KCNK9: variants seen among roughly 807,000 people sequenced by gnomAD.
KCNK9 encodes potassium two pore domain channel subfamily K member 9.
KCNK9 carries 1 observed loss-of-function variant against 10.8 expected under a neutral mutation model. That is an observed-to-expected ratio of 0.09 (90% CI 0.03 to 0.44). The LOEUF (loss-of-function observed/expected upper bound fraction) is 0.44, where lower values mean the gene tolerates loss of function less well. KCNK9 is among the 20% of genes least tolerant of loss of function. KCNK9 has a pLI of 0.97. For synonymous variants in KCNK9, 231 were observed against 222.7 expected (o/e 1.04, Z -0.33); for missense variants, 303 against 515.0 (o/e 0.59, Z 3.98).
chr8:139,681,314 C>T (rs564914983), intron 1 of KCNK9, among the ~76,000 whole-genome samples: 2 of 152,334 alleles, frequency 1.3e-5, no homozygotes, highest in African/African-American at 2.4e-5. Flanking sequence ...CACCGCCCAC[C>T]GAAGTTCACC....
At chr8:139,645,081 T>C (rs1391644005) in intron 1 of KCNK9, among the ~76,000 whole-genome samples, 2 of 152,156 alleles carry the variant, frequency 1.3e-5, no homozygotes, top group Non-Finnish European at 2.9e-5. Context: ...TAGGCTTTTG[T>C]TGTCCCAGAA....
chr8:139,635,029 A>G (rs1050350989), intron 1 of KCNK9, among the ~76,000 whole-genome samples: 1 of 152,208 alleles, frequency 6.6e-6, no homozygotes, highest in Non-Finnish European at 1.5e-5. Flanking sequence ...CCCCTGCTGC[A>G]TGAGGACCCC....
At chr8:139,686,070 C>G (rs1156831930) in intron 1 of KCNK9, among the ~76,000 whole-genome samples, 1 of 152,164 alleles carries the variant, frequency 6.6e-6, no homozygotes, top group Non-Finnish European at 1.5e-5. Flanking sequence ...ATGTAGAAAG[C>G]TGAAACTGGA....
intron 1 of KCNK9, among the ~76,000 whole-genome samples, chr8:139,660,316 T>C (rs569442336): frequency 1.3e-5 from 2 of 151,872 alleles, no homozygotes; most frequent in African/African-American, 2.4e-5. Flanking sequence ...GCATTAAAAA[T>C]AGGATAGGCC....
chr8:139,645,570 ACCCTGAGCC>A (rs1815650915), intron 1 of KCNK9, among the ~76,000 whole-genome samples: 1 of 151,518 alleles, frequency 6.6e-6, no homozygotes, highest in South Asian at 2.1e-4. Flanking sequence ...GCTCTTGAAA[ACCCTGAGCC>A]TGACACAGGG....
Position 139,703,051 on chromosome 8 carries a change from T to G in KCNK9, c.-59A>C. ...TCCCGCAGGCTCACAGCCGCGCGCGTCCCACTGCAGCGCCCGGCGGCCGCC... is the reference window on the plus strand; with the variant it reads ...TCCCGCAGGCTCACAGCCGCGCGCGGCCCACTGCAGCGCCCGGCGGCCGCC... On this transcript the variant is annotated 5_prime_UTR_variant, in exon 1 of 2. Transcript: ENST00000520439. This position sits in a 1 kb window ranked among gnomAD's most constrained non-coding sequence, Gnocchi z 6.4. 5.4e-6 allele frequency: 8 copies of G among 1,493,776 alleles called. No homozygotes were observed. The highest frequency in any genetic ancestry group is 2.7e-5 in the East Asian group (1 of 37,560). The allele number at this position is 1,493,776 out of a possible 1,614,324, so 92.5% of individuals were successfully genotyped here. A position where few individuals can be genotyped will look rare whatever the true frequency, so the allele number is the denominator to read the frequency against.
chr8:139,695,395 G>A (rs548166679), intron 1 of KCNK9, among the ~76,000 whole-genome samples: 38 of 152,282 alleles, frequency 2.5e-4, no homozygotes, highest in South Asian at 6.2e-4. Context: ...GCATTATTGG[G>A]AGAAACTCAG....
At chr8:139,682,475 A>T (rs2129768211) in intron 1 of KCNK9, among the ~76,000 whole-genome samples, 1 of 152,242 alleles carries the variant, frequency 6.6e-6, no homozygotes, top group Admixed American at 6.5e-5. Context: ...GAGACATCTC[A>T]CCTGCCTGGG....
chr8:139,652,163 T>C (rs1815885533), intron 1 of KCNK9, among the ~76,000 whole-genome samples: 1 of 152,152 alleles, frequency 6.6e-6, no homozygotes, highest in African/African-American at 2.4e-5. Context: ...GATCCCCAGC[T>C]TGCAGAGATT....
chr8:139,687,546 ATTCATATATATG>A (rs1285401247), intron 1 of KCNK9, among the ~76,000 whole-genome samples: 22 of 130,384 alleles, frequency 1.7e-4, no homozygotes, highest in African/African-American at 6.0e-4. Context: ...ATACACATAT[ATTCATATATATG>A]TATACATATA....
intron 1 of KCNK9, among the ~76,000 whole-genome samples, chr8:139,637,760 T>TACACACACACACACACACACACACACAC (rs34018499): frequency 0.013 from 1,838 of 146,100 alleles, 36 homozygotes; most frequent in African/African-American, 0.029. Flanking sequence ...ATTCCTACTC[T>TACACACACACACACACACACACACACAC]ACACACACAC....
chr8:139,669,958 C>T (rs946420130), intron 1 of KCNK9, among the ~76,000 whole-genome samples: 4 of 152,202 alleles, frequency 2.6e-5, no homozygotes, highest in Non-Finnish European at 5.9e-5. Flanking sequence ...TTGTACATCT[C>T]CATCAGTGCT....
At chr8:139,648,794 G>A (rs910323996) in intron 1 of KCNK9, among the ~76,000 whole-genome samples, 4 of 152,310 alleles carry the variant, frequency 2.6e-5, no homozygotes, top group Admixed American at 2.0e-4. Context: ...AGCACCGGAC[G>A]CCAATGACAC....
chr8:139,621,650 G>A (rs1030055595), intron 1 of KCNK9, among the ~76,000 whole-genome samples: 1 of 151,916 alleles, frequency 6.6e-6, no homozygotes, highest in Non-Finnish European at 1.5e-5. Flanking sequence ...TTCATTACCA[G>A]CATATCTACA....
At chr8:139,669,767 T>C (rs1816384009) in intron 1 of KCNK9, among the ~76,000 whole-genome samples, 1 of 152,250 alleles carries the variant, frequency 6.6e-6, no homozygotes, top group Non-Finnish European at 1.5e-5. Context: ...AATGGTATAT[T>C]CCTTCTAAAA....
intron 2 of KCNK9, among the ~76,000 whole-genome samples, chr8:139,604,025 C>A (rs1817430960): frequency 6.6e-6 from 1 of 152,114 alleles, no homozygotes; most frequent in South Asian, 2.1e-4. Context: ...GTGCTGGGGA[C>A]CTTGGATCCA....
chr8:139,658,672 T>G (rs1345263867), intron 1 of KCNK9, among the ~76,000 whole-genome samples: 2 of 152,058 alleles, frequency 1.3e-5, no homozygotes. Flanking sequence ...ACAAACCAGA[T>G]GTGTCCTCAG....
At chr8:139,612,295 G>C (rs1814451049), downstream of KCNK9, 1 of 152,242 alleles carries the variant, frequency 6.6e-6, no homozygotes, top group Admixed American at 6.5e-5. Context: ...TATAGAACTT[G>C]TCAGAGCAAA....
intron 1 of KCNK9, among the ~76,000 whole-genome samples, chr8:139,647,588 C>T (rs902452734): frequency 1.3e-5 from 2 of 152,116 alleles, no homozygotes; most frequent in East Asian, 3.9e-4. Context: ...GAGACACCTA[C>T]CTGCATGCTG....
Sources: gnomAD v4.1 joint callset for allele counts (sites outside exome capture counted in the v4.1 genomes callset) on GRCh38, gnomAD v4.1.1 for gene constraint, Gnocchi (gnomAD v3.1) non-coding constraint, MANE v1.5 for transcripts, NCBI Gene and HGNC (gene_info 2026-07-23, HGNC 2026-07-21) for gene names.